Variants in ASCC1 observed in about 807,000 individuals in gnomAD.
ASCC1 encodes activating signal cointegrator 1 complex subunit 1.
A neutral mutation model predicts 46.6 loss-of-function variants in ASCC1; 35 were observed. That is an observed-to-expected ratio of 0.75 (90% CI 0.57 to 0.99). ASCC1 has a LOEUF of 0.99. Ranked by LOEUF, ASCC1 falls within the 50% of genes least tolerant of loss-of-function variation. The probability of loss-of-function intolerance (pLI) is 0.00; values close to 1 mark genes in which losing one functional copy is unlikely to be tolerated. For synonymous variants in ASCC1, 143 were observed against 146.6 expected (o/e 0.98, Z 0.18); for missense variants, 376 against 428.7 (o/e 0.88, Z 1.09).
intron 5 of ASCC1, among the ~76,000 whole-genome samples, chr10:72,164,331 C>A (rs1850076022): frequency 6.6e-6 from 1 of 152,156 alleles, no homozygotes; most frequent in African/African-American, 2.4e-5. Flanking sequence ...CTCTAGTTTG[C>A]TTTTTGTCTC....
intron 3 of ASCC1, among the ~76,000 whole-genome samples, chr10:72,207,195 T>C (rs1857339871): frequency 6.6e-6 from 1 of 152,162 alleles, no homozygotes; most frequent in South Asian, 2.1e-4. Flanking sequence ...GCAGATCACC[T>C]GAGGTCATGA....
intron 5 of ASCC1, among the ~76,000 whole-genome samples, chr10:72,172,807 ATAT>A (rs1851331938): frequency 7.5e-6 from 1 of 132,570 alleles, no homozygotes; most frequent in Non-Finnish European, 1.6e-5. Context: ...TTATATTTTT[ATAT>A]TATATATAAT....
At chr10:72,122,540 G>A (rs555145122) in intron 9 of ASCC1, among the ~76,000 whole-genome samples, 117 of 151,972 alleles carry the variant, frequency 7.7e-4, no homozygotes, top group African/African-American at 2.7e-3. Context: ...CCAACATTTT[G>A]TGAGGCTGAG....
intron 9 of ASCC1, among the ~76,000 whole-genome samples, chr10:72,110,895 G>A (rs1282925780): frequency 2.0e-5 from 3 of 152,206 alleles, no homozygotes; most frequent in Non-Finnish European, 4.4e-5. Flanking sequence ...TGGCTCCCTG[G>A]AAGAGGGGAG....
intron 7 of ASCC1, among the ~76,000 whole-genome samples, chr10:72,140,789 A>G (rs973960996): frequency 5.3e-5 from 8 of 152,240 alleles, no homozygotes; most frequent in Admixed American, 5.2e-4. Flanking sequence ...CAAACTATGT[A>G]TAGTGATGCA....
chr10:72,101,773 A>G (rs1374750809), intron 9 of ASCC1, among the ~76,000 whole-genome samples: 1 of 152,116 alleles, frequency 6.6e-6, no homozygotes, highest in Non-Finnish European at 1.5e-5. Context: ...GGAACAAGAT[A>G]AAGAAAAAAA....
At chr10:72,157,233 T>C (rs1022050680) in intron 6 of ASCC1, among the ~76,000 whole-genome samples, 1 of 152,226 alleles carries the variant, frequency 6.6e-6, no homozygotes, top group Non-Finnish European at 1.5e-5. Context: ...CTGAGGTATG[T>C]AGCTTCCATC....
At chr10:72,132,992 T>G in intron 8 of ASCC1, 65 bp downstream of exon 8, 1 of 1,608,270 alleles carries the variant, frequency 6.2e-7, no homozygotes, top group South Asian at 1.1e-5. Flanking sequence ...TCATTCTACC[T>G]AAACCTCAGA....
At chr10:72,164,150 A>G (rs1405772225) in intron 5 of ASCC1, among the ~76,000 whole-genome samples, 1 of 151,978 alleles carries the variant, frequency 6.6e-6, no homozygotes, top group Non-Finnish European at 1.5e-5. Flanking sequence ...TTTTGTAGAC[A>G]GGGTTTTTAC....
chr10:72,132,025 C>T (rs1244077436), intron 8 of ASCC1, among the ~76,000 whole-genome samples: 2 of 152,088 alleles, frequency 1.3e-5, no homozygotes, highest in African/African-American at 4.8e-5. Context: ...TGTGCCACCA[C>T]ACCCGGCTAA....
At chr10:72,203,123 C>T (rs1290708585) in intron 4 of ASCC1, among the ~76,000 whole-genome samples, 2 of 151,952 alleles carry the variant, frequency 1.3e-5, no homozygotes, top group Non-Finnish European at 2.9e-5. Context: ...CCCGCCTCCA[C>T]TAAAAATACA....
chr10:72,210,279 C>G (rs1857879870), intron 3 of ASCC1, among the ~76,000 whole-genome samples: 1 of 149,208 alleles, frequency 6.7e-6, no homozygotes, highest in Non-Finnish European at 1.5e-5. Flanking sequence ...CCTGCCTCAG[C>G]CTCCCAAGTA....
chr10:72,098,081 C>A (rs1482615504), intron 9 of ASCC1, among the ~76,000 whole-genome samples: 3 of 152,266 alleles, frequency 2.0e-5, no homozygotes, highest in East Asian at 3.9e-4. Flanking sequence ...TGGATTCAAG[C>A]CAGCGACCTA....
chr10:72,105,037 C>T (rs1310172078), intron 9 of ASCC1, among the ~76,000 whole-genome samples: 1 of 152,130 alleles, frequency 6.6e-6, no homozygotes, highest in Non-Finnish European at 1.5e-5. Flanking sequence ...CTGCTGAGAG[C>T]CATTTCCATC....
chr10:72,206,203 G>C (rs1315476476), intron 3 of ASCC1, among the ~76,000 whole-genome samples: 1 of 151,374 alleles, frequency 6.6e-6, no homozygotes, highest in Non-Finnish European at 1.5e-5. Flanking sequence ...TCAGGAGTTG[G>C]AAACCAGCCT....
chr10:72,176,909 G>A (rs898287917), intron 5 of ASCC1, among the ~76,000 whole-genome samples: 1 of 151,640 alleles, frequency 6.6e-6, no homozygotes, highest in African/African-American at 2.4e-5. Flanking sequence ...TCAATTGTCA[G>A]CTCCCTTATC....
In ASCC1 at chr10:72,161,572, C is replaced by G. The variant is rs1849699462; in HGVS notation, c.592G>C (p.Glu198Gln). The change falls in exon 6 of 10, where the codon GAG becomes CAG. Residue 198 changes from glutamate to glutamine, a missense_variant. Physicochemically the swap from Glu to Gln is conservative, Grantham distance 29. Transcript: ENST00000672957. ...TCCTCTTTACACTGCTGTAGCATCT[C>G]ACATGTCTGCTGGATCTCTTCCTCA... The part of the protein sequence containing the change: ...LSEEEIQQTC[E>Q]MLQQCKEEFI... The G allele has an allele frequency of 6.2e-7, 1 of 1,614,198 alleles. No homozygotes were observed. The highest frequency in any genetic ancestry group is 1.3e-5 in the African/African-American group (1 of 75,042).
chr10:72,172,346 C>T (rs920313225), intron 5 of ASCC1, among the ~76,000 whole-genome samples: 38 of 139,048 alleles, frequency 2.7e-4, no homozygotes, highest in African/African-American at 1.0e-3. Flanking sequence ...ACCCGGAAGG[C>T]AGAGGTTGCA....
chr10:72,202,617 T>C (rs1272314753), intron 4 of ASCC1, among the ~76,000 whole-genome samples: 1 of 152,204 alleles, frequency 6.6e-6, no homozygotes, highest in Non-Finnish European at 1.5e-5. Context: ...ACTTGATTTA[T>C]ACTGCTAAAC....
Sources: gnomAD v4.1 joint callset for allele counts (sites outside exome capture counted in the v4.1 genomes callset) on GRCh38, gnomAD v4.1.1 for gene constraint, MANE v1.5 for transcripts, NCBI Gene and HGNC (gene_info 2026-07-23, HGNC 2026-07-21) for gene names.